Variants in CNTN5 observed in about 807,000 individuals in gnomAD.
CNTN5 encodes contactin-5.
In CNTN5, 77 loss-of-function variants were observed where a neutral mutation model predicts 129.1. The ratio of observed to expected loss-of-function variants is 0.60; its 90% CI spans 0.50 to 0.72. The LOEUF (loss-of-function observed/expected upper bound fraction) is 0.72, where lower values mean the gene tolerates loss of function less well. CNTN5 is among the 30% of genes least tolerant of loss of function. CNTN5 has a pLI of 0.00. For synonymous variants in CNTN5, 509 were observed against 465.6 expected (o/e 1.09, Z -1.20); for missense variants, 1,478 against 1,328.8 (o/e 1.11, Z -1.75).
At chr11:100,019,293 C>T (rs907349546) in intron 9 of CNTN5, among the ~76,000 whole-genome samples, 2 of 151,826 alleles carry the variant, frequency 1.3e-5, no homozygotes, top group Non-Finnish European at 2.9e-5. Context: ...ATTTAAGTCT[C>T]TGCTGTATTT....
chr11:99,789,621 G>T (rs535005566), intron 3 of CNTN5, among the ~76,000 whole-genome samples: 49 of 151,856 alleles, frequency 3.2e-4, no homozygotes, highest in Non-Finnish European at 5.6e-4. Context: ...TTAAAACATT[G>T]CTTCCTGTTA....
At chr11:99,235,311 G>GCAAT (rs1861209541) in intron 1 of CNTN5, among the ~76,000 whole-genome samples, 1 of 151,956 alleles carries the variant, frequency 6.6e-6, no homozygotes, top group Non-Finnish European at 1.5e-5. Context: ...CTTTTATATA[G>GCAAT]CAATCACACT....
intron 1 of CNTN5, among the ~76,000 whole-genome samples, chr11:99,221,415 G>C (rs1242135510): frequency 6.6e-6 from 1 of 151,702 alleles, no homozygotes; most frequent in East Asian, 1.9e-4. Flanking sequence ...ATTATGATTT[G>C]TTTCTTGTTT....
At chr11:99,257,925 A>G (rs1430601520) in intron 1 of CNTN5, among the ~76,000 whole-genome samples, 1 of 152,028 alleles carries the variant, frequency 6.6e-6, no homozygotes, top group Admixed American at 6.6e-5. Flanking sequence ...TATCATTCCT[A>G]TTTTACGCTT....
chr11:99,727,523 A>G lies in CNTN5; in HGVS notation c.56-92021A>G, dbSNP rs1943392939. ...ATATTATCCCATCCTTAATTGTTTC[A>G]TAGTTGTAAGCATCAAATTTTCCTG... On this transcript the variant is annotated intron_variant, in intron 3 of 24. Coordinates refer to ENST00000524871, the MANE Select transcript of CNTN5 (RefSeq NM_014361.4). Among the ~76,000 whole-genome samples the G allele has an allele frequency of 2.0e-5, 3 of 152,028 alleles. No individual in the cohort carries two copies. The South Asian group carries it at 6.2e-4, about 32-fold the overall frequency.
intron 1 of CNTN5, among the ~76,000 whole-genome samples, chr11:99,074,544 A>C (rs1005653933): frequency 1.3e-5 from 2 of 152,104 alleles, no homozygotes; most frequent in South Asian, 4.1e-4. Flanking sequence ...GGGTCTCTCT[A>C]TGTTGCCCAG....
At chr11:100,354,633 G>T (rs1334502118) in intron 24 of CNTN5, among the ~76,000 whole-genome samples, 1 of 151,616 alleles carries the variant, frequency 6.6e-6, no homozygotes. Flanking sequence ...ATGAGGATAA[G>T]TTCTATTAAA....
chr11:99,971,005 T>G (rs1591503511), intron 8 of CNTN5, among the ~76,000 whole-genome samples: 1 of 152,210 alleles, frequency 6.6e-6, no homozygotes, highest in African/African-American at 2.4e-5. Flanking sequence ...ATCATGAAAT[T>G]AGTTACTTAC....
intron 15 of CNTN5, among the ~76,000 whole-genome samples, chr11:100,220,812 C>A (rs984924876): frequency 2.6e-5 from 4 of 152,128 alleles, no homozygotes; most frequent in Non-Finnish European, 4.4e-5. Context: ...ATTCTAGAAC[C>A]CACATATACT....
chr11:99,379,312 T>C (rs529197361), intron 2 of CNTN5, among the ~76,000 whole-genome samples: 5 of 151,656 alleles, frequency 3.3e-5, no homozygotes, highest in Non-Finnish European at 7.4e-5. Context: ...TTTTATATTA[T>C]CTCTAACTTA....
At chr11:99,285,490 G>T (rs1254859530) in intron 1 of CNTN5, among the ~76,000 whole-genome samples, 1 of 151,862 alleles carries the variant, frequency 6.6e-6, no homozygotes, top group African/African-American at 2.4e-5. Flanking sequence ...CTAAAGTAGG[G>T]TGCTGTTTTT....
intron 24 of CNTN5, 87 bp from the exon 25 acceptor site, chr11:100,356,030 C>A: frequency 1.2e-6 from 1 of 804,050 alleles, no homozygotes; most frequent in South Asian, 1.5e-5. Flanking sequence ...ATCTTGCACT[C>A]ATTAGTCTTA....
At chr11:100,140,975 T>TTC (rs1946681903) in intron 13 of CNTN5, among the ~76,000 whole-genome samples, 2 of 152,172 alleles carry the variant, frequency 1.3e-5, no homozygotes, top group Non-Finnish European at 1.5e-5. Flanking sequence ...ATGAGCGTTG[T>TTC]ACAGAAATAA....
intron 3 of CNTN5, among the ~76,000 whole-genome samples, chr11:99,765,353 C>T (rs935849566): frequency 6.6e-6 from 1 of 151,576 alleles, no homozygotes; most frequent in Admixed American, 6.6e-5. Flanking sequence ...GTGTTTCACT[C>T]ACTGGGGACT....
intron 2 of CNTN5, among the ~76,000 whole-genome samples, chr11:99,336,060 TA>T (rs1374518639): frequency 6.6e-6 from 1 of 152,216 alleles, no homozygotes; most frequent in Non-Finnish European, 1.5e-5. Context: ...TTTTTGTTTT[TA>T]GATTGCTGAT....
At chr11:100,018,570 C>T (rs1314416268) in intron 9 of CNTN5, among the ~76,000 whole-genome samples, 1 of 151,866 alleles carries the variant, frequency 6.6e-6, no homozygotes, top group Non-Finnish European at 1.5e-5. Flanking sequence ...CATCTGTGCA[C>T]CTGTTGATAG....
intron 1 of CNTN5, among the ~76,000 whole-genome samples, chr11:99,058,794 T>C (rs1020171903): frequency 1.3e-5 from 2 of 151,266 alleles, no homozygotes; most frequent in Non-Finnish European, 2.9e-5. Flanking sequence ...CGAGGAAAAA[T>C]GAAAAATGGG....
chr11:100,285,677 G>C (rs533380279), intron 18 of CNTN5, among the ~76,000 whole-genome samples: 1 of 152,028 alleles, frequency 6.6e-6, no homozygotes, highest in African/African-American at 2.4e-5. Context: ...ACTGTATTCC[G>C]TCCCTTCATT....
intron 8 of CNTN5, among the ~76,000 whole-genome samples, chr11:99,977,467 C>G (rs1938061458): frequency 1.3e-5 from 2 of 152,194 alleles, no homozygotes; most frequent in African/African-American, 4.8e-5. Context: ...CTACCTGAGA[C>G]TTGGTAATTT....
Sources: allele counts gnomAD v4.1 joint callset (sites outside exome capture counted in the v4.1 genomes callset), GRCh38; gene constraint gnomAD v4.1.1; transcripts MANE v1.5; gene names NCBI Gene and HGNC (gene_info 2026-07-23, HGNC 2026-07-21).